MGMT: variants seen among roughly 807,000 people sequenced by gnomAD.
MGMT encodes methylated-DNA--protein-cysteine methyltransferase.
Under a neutral mutation model 15.9 loss-of-function variants are expected in MGMT, and 14 were observed. The ratio of observed to expected loss-of-function variants is 0.88; its 90% CI spans 0.58 to 1.37. The LOEUF (loss-of-function observed/expected upper bound fraction) is 1.37. Among genes scored for constraint, MGMT ranks in the 40% most tolerant of loss-of-function variants. MGMT has a pLI of 0.00. For missense variants in MGMT, 282 were observed against 268.1 expected (o/e 1.05, Z -0.36); for synonymous variants, 130 against 118.2 (o/e 1.10, Z -0.65).
chr10:129,524,982 G>A (rs1215501727), intron 1 of MGMT, among the ~76,000 whole-genome samples: 1 of 152,184 alleles, frequency 6.6e-6, no homozygotes, highest in African/African-American at 2.4e-5. Flanking sequence ...TAAACTGTCG[G>A]AATGGATATG....
At chr10:129,704,532 G>T (rs1314395685) in intron 2 of MGMT, among the ~76,000 whole-genome samples, 7 of 152,124 alleles carry the variant, frequency 4.6e-5, no homozygotes, top group Admixed American at 3.9e-4. Context: ...GTTCTGTCTG[G>T]CCGCAGTGTC....
intron 2 of MGMT, among the ~76,000 whole-genome samples, chr10:129,675,826 C>T (rs1009085009): frequency 3.9e-5 from 6 of 152,142 alleles, no homozygotes; most frequent in Non-Finnish European, 7.4e-5. Context: ...GTGGAACCAT[C>T]GGGAAAAAGG....
intron 2 of MGMT, among the ~76,000 whole-genome samples, chr10:129,574,099 A>C (rs1846450790): frequency 1.3e-5 from 2 of 152,240 alleles, no homozygotes; most frequent in Non-Finnish European, 2.9e-5. Context: ...TTAATTTGTC[A>C]CAGATGATAC....
At chr10:129,737,601 C>T (rs1419753513) in intron 3 of MGMT, among the ~76,000 whole-genome samples, 1 of 152,220 alleles carries the variant, frequency 6.6e-6, no homozygotes, top group Non-Finnish European at 1.5e-5. Context: ...TGGTGAGGAA[C>T]TGCGTTCCTT....
intron 2 of MGMT, among the ~76,000 whole-genome samples, chr10:129,541,832 A>G (rs771611951): frequency 1.3e-5 from 2 of 152,124 alleles, no homozygotes; most frequent in East Asian, 1.9e-4. Context: ...TTCTGTCTTC[A>G]TGGTAGGGAT....
At chr10:129,571,132 G>A (rs1231985745) in intron 2 of MGMT, among the ~76,000 whole-genome samples, 2 of 152,104 alleles carry the variant, frequency 1.3e-5, no homozygotes, top group East Asian at 1.9e-4. Flanking sequence ...CCCTATTTCC[G>A]CAGTTCAAAG....
chr10:129,519,670 A>G (rs1310595370), intron 1 of MGMT, among the ~76,000 whole-genome samples: 1 of 152,174 alleles, frequency 6.6e-6, no homozygotes, highest in Non-Finnish European at 1.5e-5. Flanking sequence ...AAATCATCCC[A>G]TGTGTCTCAT....
chr10:129,759,402 C>A, intron 4 of MGMT, 61 bp downstream of exon 4: 1 of 1,608,276 alleles, frequency 6.2e-7, no homozygotes, highest in South Asian at 1.1e-5. Context: ...GGCAGGGTGT[C>A]ATCTGATCCC....
intron 2 of MGMT, among the ~76,000 whole-genome samples, chr10:129,594,523 T>C (rs971358847): frequency 2.6e-5 from 4 of 152,186 alleles, no homozygotes; most frequent in African/African-American, 9.7e-5. Context: ...ATCTTGGACA[T>C]CTCTTTCAAA....
At chr10:129,546,663 G>A (rs1846101598) in intron 2 of MGMT, among the ~76,000 whole-genome samples, 1 of 152,118 alleles carries the variant, frequency 6.6e-6, no homozygotes, top group African/African-American at 2.4e-5. Context: ...GAGAGAGGCG[G>A]GTTTTGTGTC....
At chr10:129,613,146 G>C (rs182281551) in intron 2 of MGMT, among the ~76,000 whole-genome samples, 61 of 152,270 alleles carry the variant, frequency 4.0e-4, no homozygotes, top group African/African-American at 1.4e-3. Context: ...GGGCCTAAAG[G>C]GTCTGTTTTG....
intron 1 of MGMT, among the ~76,000 whole-genome samples, chr10:129,529,319 T>C (rs987825035): frequency 2.6e-5 from 4 of 152,144 alleles, no homozygotes; most frequent in Admixed American, 2.6e-4. Flanking sequence ...AAGACTAACT[T>C]TTCCACAGAT....
chr10:129,591,953 A>G (rs1030343573), intron 2 of MGMT, among the ~76,000 whole-genome samples: 1 of 152,174 alleles, frequency 6.6e-6, no homozygotes, highest in African/African-American at 2.4e-5. Flanking sequence ...AATAAATAAA[A>G]AAGAATGTCC....
chr10:129,626,742 G>A (rs1218933015), intron 2 of MGMT, among the ~76,000 whole-genome samples: 1 of 152,166 alleles, frequency 6.6e-6, no homozygotes, highest in Non-Finnish European at 1.5e-5. Context: ...ATAACACCGT[G>A]GTGAAGCGCC....
At chr10:129,554,629 G>A (rs1411516092) in intron 2 of MGMT, among the ~76,000 whole-genome samples, 2 of 152,134 alleles carry the variant, frequency 1.3e-5, no homozygotes, top group East Asian at 3.8e-4. Flanking sequence ...CTTTCTCCCT[G>A]TAGCTTTTTT....
chr10:129,598,535 CTG>C (rs557710519), intron 2 of MGMT, among the ~76,000 whole-genome samples: 218 of 152,274 alleles, frequency 1.4e-3, no homozygotes, highest in African/African-American at 4.9e-3. Context: ...AAGTGGAAAA[CTG>C]TGCTCCGGAA....
At chr10:129,747,498 T>G (rs1848707960) in intron 3 of MGMT, among the ~76,000 whole-genome samples, 1 of 152,210 alleles carries the variant, frequency 6.6e-6, no homozygotes, top group African/African-American at 2.4e-5. Flanking sequence ...TTAATAGCCT[T>G]TGTTTTTAGA....
chr10:129,506,883 CA>C (rs1845631136), intron 1 of MGMT, among the ~76,000 whole-genome samples: 1 of 152,148 alleles, frequency 6.6e-6, no homozygotes, highest in Non-Finnish European at 1.5e-5. Context: ...TTGTCATCTT[CA>C]GGGCATCTTC....
At chr10:129,497,838 C>T (rs180898266) in intron 1 of MGMT, among the ~76,000 whole-genome samples, 22 of 152,280 alleles carry the variant, frequency 1.4e-4, no homozygotes, top group East Asian at 5.8e-4. Context: ...CGTGAGGACG[C>T]GGCGAGAAGG....
Sources: gnomAD v4.1 joint callset for allele counts (sites outside exome capture counted in the v4.1 genomes callset) on GRCh38, gnomAD v4.1.1 for gene constraint, MANE v1.5 for transcripts, NCBI Gene and HGNC (gene_info 2026-07-23, HGNC 2026-07-21) for gene names.